The following AMZ2 variants were observed in gnomAD, a reference collection of about 807,000 sequenced individuals.
AMZ2 encodes the protein archaemetzincin-2.
AMZ2 carries 26 observed loss-of-function variants against 36.7 expected under a neutral mutation model. The observed-to-expected ratio is 0.71, with a 90% confidence interval of 0.52 to 0.98. The LOEUF (loss-of-function observed/expected upper bound fraction) is 0.98. AMZ2 is among the 50% of genes least tolerant of loss of function. The pLI, the probability that AMZ2 is intolerant of heterozygous loss-of-function variation, is 0.00. For synonymous variants in AMZ2, 144 were observed against 149.1 expected, an observed-to-expected ratio of 0.97 and a Z score of 0.25; for missense variants, 394 against 430.5, an observed-to-expected ratio of 0.92 and a Z score of 0.75.
chr17:68,209,606 A>G (rs782236935), intron 1 of AMZ2, among the ~76,000 whole-genome samples: 3,677 of 113,708 alleles, frequency 0.032, 79 homozygotes, highest in African/African-American at 0.047. Flanking sequence ...GTGTGTGTGT[A>G]TATGTATATA....
intron 1 of AMZ2, among the ~76,000 whole-genome samples, chr17:68,228,750 C>T (rs1268739452): frequency 1.3e-5 from 2 of 152,264 alleles, no homozygotes; most frequent in African/African-American, 4.8e-5. Context: ...TAGGCCCAGC[C>T]TTCAATCAGC....
At chr17:68,215,511 G>T (rs1274161294) in intron 1 of AMZ2, among the ~76,000 whole-genome samples, 2 of 136,970 alleles carry the variant, frequency 1.5e-5, no homozygotes, top group African/African-American at 5.3e-5. Context: ...CCGAGATGGA[G>T]CCACTGTACT....
At chr17:68,236,545 T>G (rs1237261207) in intron 1 of AMZ2, among the ~76,000 whole-genome samples, 1 of 150,768 alleles carries the variant, frequency 6.6e-6, no homozygotes, top group East Asian at 1.9e-4. Flanking sequence ...CTTCTAACAT[T>G]ATTAACATTT....
rs1555739468 is a variant in AMZ2, at chr17:68,251,035, T to C, written c.458-15T>C. The C allele has an allele frequency of 6.2e-7, 1 of 1,607,344 alleles. No individual in the cohort carries two copies. Among genetic ancestry groups the C allele is most frequent in the Non-Finnish European group, 8.5e-7 (1 of 1,178,478 alleles). On this transcript the variant is annotated splice_polypyrimidine_tract_variant and intron_variant, in intron 3 of 6. Coordinates refer to ENST00000359904, the MANE Select transcript of AMZ2 (RefSeq NM_016627.5). ...TAATATACACTCATACATTTATGTA[T>C]TTCTTTTTAAATAGGGGACATCCTG...
At chr17:68,236,908 C>T (rs532301914) in intron 1 of AMZ2, among the ~76,000 whole-genome samples, 53 of 152,252 alleles carry the variant, frequency 3.5e-4, no homozygotes, top group African/African-American at 1.2e-3. Flanking sequence ...CACATATACA[C>T]CCATATTTTT....
At chr17:68,231,135 C>T (rs141960232) in intron 1 of AMZ2, among the ~76,000 whole-genome samples, 9,007 of 151,766 alleles carry the variant, frequency 0.059, 481 homozygotes, top group Admixed American at 0.13. Context: ...GTGACCATGG[C>T]TCACTGCAGC....
chr17:68,207,793 G>A (rs143837576), intron 1 of AMZ2, among the ~76,000 whole-genome samples: 2,270 of 152,328 alleles, frequency 0.015, 23 homozygotes, highest in Middle Eastern at 0.061. Flanking sequence ...CTGTACTGTG[G>A]GAGCCCCTTT....
intron 1 of AMZ2, among the ~76,000 whole-genome samples, chr17:68,219,678 C>T (rs1274043683): frequency 6.6e-6 from 1 of 151,186 alleles, no homozygotes; most frequent in South Asian, 2.1e-4. Flanking sequence ...ACCACAGTTA[C>T]GCACCACCAC....
upstream of AMZ2, chr17:68,247,795 G>A (rs1189161030): frequency 7.1e-6 from 7 of 985,460 alleles, no homozygotes; most frequent in African/African-American, 1.0e-4. Context: ...GAGCCGCCGC[G>A]AGCGCAAGCG....
intron 1 of AMZ2, chr17:68,249,239 TA>T (rs1288767405): frequency 2.5e-6 from 1 of 401,598 alleles, no homozygotes; most frequent in Non-Finnish European, 3.8e-6. Context: ...GTTTTGTTTT[TA>T]TTTGATGTTG....
upstream of AMZ2, chr17:68,246,747 G>C (rs1555735667): frequency 6.6e-6 from 1 of 152,268 alleles, no homozygotes; most frequent in Non-Finnish European, 1.5e-5. Flanking sequence ...AAGGGCTAAA[G>C]AGATCCTCGA....
chr17:68,230,959 A>G (rs1210219206), intron 1 of AMZ2, among the ~76,000 whole-genome samples: 1 of 152,238 alleles, frequency 6.6e-6, no homozygotes, highest in African/African-American at 2.4e-5. Flanking sequence ...TACTTTTCAG[A>G]AATTCATTTT....
chr17:68,209,632 A>ATATATATATATATATATGTATATATATT, intron 1 of AMZ2, among the ~76,000 whole-genome samples: 2 of 90,700 alleles, frequency 2.2e-5, no homozygotes, highest in Non-Finnish European at 4.0e-5. Context: ...ATATATATAT[A>ATATATATATATATATATGTATATATATT]TTTTTTTTTT....
intron 1 of AMZ2, among the ~76,000 whole-genome samples, chr17:68,208,052 G>A (rs1330389382): frequency 2.0e-5 from 3 of 152,186 alleles, no homozygotes; most frequent in East Asian, 1.9e-4. Context: ...GCCTTCCCAC[G>A]GGGCAGCACT....
In AMZ2 at chr17:68,254,566, AG is replaced by A; in HGVS notation, c.750+1del. The A allele has an allele frequency of 6.2e-7, 1 of 1,608,382 alleles. No homozygotes were observed. Among genetic ancestry groups the A allele is most frequent in the Non-Finnish European group, 8.5e-7 (1 of 1,176,810 alleles). On this transcript the variant is annotated frameshift_variant and splice_region_variant, in exon 5 of 7. Coordinates refer to ENST00000359904, the MANE Select transcript of AMZ2 (RefSeq NM_016627.5). LOFTEE classifies it high-confidence loss of function. ...ITSVLLLRSC[K>X]TLTHEIGHIF... is the part of the protein sequence containing the mutation. Reference sequence around the variant, plus strand: ...AGTGTTTTACTACTTCGATCCTGTAAGGTAAGTTATTACAAAAATCTGACAG... The same window carrying A: ...AGTGTTTTACTACTTCGATCCTGTAAGTAAGTTATTACAAAAATCTGACAG...
chr17:68,237,414 T>C (rs1303793176), intron 1 of AMZ2, among the ~76,000 whole-genome samples: 10 of 152,276 alleles, frequency 6.6e-5, no homozygotes, highest in Middle Eastern at 3.4e-3. Context: ...CATTTTTACA[T>C]TGCACAAGAA....
intron 1 of AMZ2, among the ~76,000 whole-genome samples, chr17:68,214,990 C>A (rs2073160316): frequency 6.6e-6 from 1 of 152,146 alleles, no homozygotes; most frequent in Non-Finnish European, 1.5e-5. Context: ...CACCATGTTA[C>A]TCAGGCTGGT....
At chr17:68,208,785 A>G (rs1555725028) in intron 1 of AMZ2, among the ~76,000 whole-genome samples, 1 of 152,158 alleles carries the variant, frequency 6.6e-6, no homozygotes, top group African/African-American at 2.4e-5. Context: ...CAGGAGGAAC[A>G]AACAACTCCA....
chr17:68,237,265 GT>G (rs1169879068), intron 1 of AMZ2, among the ~76,000 whole-genome samples: 13 of 152,302 alleles, frequency 8.5e-5, no homozygotes, highest in African/African-American at 3.1e-4. Flanking sequence ...CCACGAAAAA[GT>G]CTAAAAGTTC....
Sources: allele counts gnomAD v4.1 joint callset (sites outside exome capture counted in the v4.1 genomes callset), GRCh38; gene constraint gnomAD v4.1.1; transcripts MANE v1.5; gene names NCBI Gene and HGNC (gene_info 2026-07-23, HGNC 2026-07-21).